Variants in MANBA observed in about 807,000 individuals in gnomAD.
The protein encoded by MANBA is mannosidase beta, also known as beta-mannosidase.
MANBA carries 83 observed loss-of-function variants against 111.1 expected under a neutral mutation model. The ratio of observed to expected loss-of-function variants is 0.75; its 90% CI spans 0.63 to 0.90. The LOEUF (loss-of-function observed/expected upper bound fraction) is 0.90, where lower values mean the gene tolerates loss of function less well. Ranked by LOEUF, MANBA falls within the 40% of genes least tolerant of loss-of-function variation. The probability of loss-of-function intolerance (pLI) is 0.00; values close to 1 mark genes in which losing one functional copy is unlikely to be tolerated. For missense variants in MANBA, 1,036 were observed against 1,069.0 expected, an observed-to-expected ratio of 0.97 and a Z score of 0.43; for synonymous variants, 370 against 378.7, an observed-to-expected ratio of 0.98 and a Z score of 0.27.
intron 1 of MANBA, among the ~76,000 whole-genome samples, chr4:102,743,505 TTCCTCTG>T (rs1360280540): frequency 6.6e-6 from 1 of 152,178 alleles, no homozygotes; most frequent in African/African-American, 2.4e-5. Flanking sequence ...TAGTCTTCTC[TTCCTCTG>T]TCAACTGATA....
intron 12 of MANBA, among the ~76,000 whole-genome samples, chr4:102,653,359 T>C (rs888081523): frequency 1.3e-5 from 2 of 152,140 alleles, no homozygotes; most frequent in Non-Finnish European, 2.9e-5. Flanking sequence ...AGATAATGAA[T>C]GGCAGCTGTC....
At chr4:102,709,825 G>C (rs575975131) in intron 5 of MANBA, among the ~76,000 whole-genome samples, 54 of 152,222 alleles carry the variant, frequency 3.5e-4, no homozygotes, top group South Asian at 8.3e-4. Context: ...TGAGCAAGCA[G>C]AATTTATCCC....
At chr4:102,634,641 G>A in intron 16 of MANBA, 147 bp downstream of exon 16, 1 of 1,065,706 alleles carries the variant, frequency 9.4e-7, no homozygotes, top group Admixed American at 1.9e-5. Context: ...TGCTTTTAGT[G>A]GGAAGAGGCC....
chr4:102,727,426 G>T, intron 1 of MANBA: 1 of 1,173,440 alleles, frequency 8.5e-7, no homozygotes, highest in South Asian at 1.2e-5. Flanking sequence ...GATGAGCTTG[G>T]TATAGGCCAA....
chr4:102,699,538 A>G (rs2110255303), intron 5 of MANBA, among the ~76,000 whole-genome samples: 1 of 150,332 alleles, frequency 6.7e-6, no homozygotes, highest in East Asian at 1.9e-4. Flanking sequence ...TCCCATCAAT[A>G]CCTAATTTAT....
intron 1 of MANBA, among the ~76,000 whole-genome samples, chr4:102,742,430 T>C (rs1339896536): frequency 1.3e-5 from 2 of 152,186 alleles, no homozygotes; most frequent in Non-Finnish European, 2.9e-5. Context: ...TACCATATAT[T>C]GAATGCTGAT....
chr4:102,705,119 C>A (rs905367930), intron 5 of MANBA, among the ~76,000 whole-genome samples: 1 of 152,162 alleles, frequency 6.6e-6, no homozygotes, highest in African/African-American at 2.4e-5. Flanking sequence ...AAGGAAGGAA[C>A]CCTGCTTAGC....
At chr4:102,689,521 A>AT in intron 7 of MANBA, 53 bp downstream of exon 7, 1 of 1,198,186 alleles carries the variant, frequency 8.3e-7, no homozygotes, top group African/African-American at 1.5e-5. Flanking sequence ...CTGTATTACT[A>AT]TTTTTAAAAG....
chr4:102,664,417 C>T (rs372996311), intron 11 of MANBA, among the ~76,000 whole-genome samples: 6 of 151,136 alleles, frequency 4.0e-5, no homozygotes, highest in Admixed American at 3.9e-4. Flanking sequence ...GGCGCGATCT[C>T]GGCTCACTGC....
chr4:102,727,823 G>T, intron 1 of MANBA: 1 of 627,718 alleles, frequency 1.6e-6, no homozygotes, highest in South Asian at 1.8e-5. Context: ...AAATACTTCC[G>T]GAAAAGGATT....
rs1722674314 is a variant in MANBA, at chr4:102,723,726, C to A, written c.378+136G>T. ...TCCACAAATGTGGCAACTGAGAAAT[C>A]AAGTAACTCATCCAGTGCTTTAATG... On this transcript the variant is annotated intron_variant, in intron 3 of 16. Coordinates refer to ENST00000647097, the MANE Select transcript of MANBA (RefSeq NM_005908.4). The A allele has an allele frequency of 8.1e-6, 5 of 620,896 alleles. No homozygotes were observed. In the East Asian group the frequency reaches 1.1e-4, roughly 14 times the overall value. 38.5% of individuals were successfully genotyped at this position (620,896 alleles called of 1,614,324 possible). A position where few individuals can be genotyped will look rare whatever the true frequency, so the allele number is the denominator to read the frequency against.
chr4:102,675,384 G>A (rs963230847), intron 7 of MANBA, among the ~76,000 whole-genome samples: 5 of 152,152 alleles, frequency 3.3e-5, no homozygotes, highest in Non-Finnish European at 5.9e-5. Context: ...GTAGCTCTGC[G>A]GCAGAGGTTT....
At chr4:102,688,297 A>G (rs144617046) in intron 7 of MANBA, among the ~76,000 whole-genome samples, 1,651 of 139,936 alleles carry the variant, frequency 0.012, 26 homozygotes, top group African/African-American at 0.044. Context: ...GTGCGCGCGC[A>G]CACACACACA....
intron 14 of MANBA, among the ~76,000 whole-genome samples, chr4:102,639,107 T>C (rs1310374544): frequency 6.6e-6 from 1 of 152,202 alleles, no homozygotes; most frequent in Non-Finnish European, 1.5e-5. Flanking sequence ...GCAGGTTCCA[T>C]GCCAGTCATC....
intron 16 of MANBA, among the ~76,000 whole-genome samples, chr4:102,634,386 A>G (rs981227771): frequency 6.6e-6 from 1 of 152,170 alleles, no homozygotes; most frequent in Admixed American, 6.5e-5. Context: ...TAACCTCCTA[A>G]ACTGGCTTCC....
intron 13 of MANBA, among the ~76,000 whole-genome samples, chr4:102,644,627 C>A (rs958978329): frequency 6.6e-6 from 1 of 151,758 alleles, no homozygotes; most frequent in Non-Finnish European, 1.5e-5. Context: ...AGAGGAAGTA[C>A]CAAGGAGATG....
At chr4:102,688,299 A>G (rs908994806) in intron 7 of MANBA, among the ~76,000 whole-genome samples, 2 of 147,660 alleles carry the variant, frequency 1.4e-5, no homozygotes, top group African/African-American at 2.6e-5. Flanking sequence ...GCGCGCGCAC[A>G]CACACACACA....
intron 1 of MANBA, among the ~76,000 whole-genome samples, chr4:102,755,109 G>A (rs924325161): frequency 3.3e-5 from 5 of 152,036 alleles, no homozygotes; most frequent in Non-Finnish European, 5.9e-5. Context: ...TCACAGAATT[G>A]GAAAAAACTA....
At chr4:102,678,353 C>T (rs1170144027) in intron 7 of MANBA, among the ~76,000 whole-genome samples, 2 of 152,132 alleles carry the variant, frequency 1.3e-5, no homozygotes, top group Non-Finnish European at 2.9e-5. Flanking sequence ...CAGTAATTTT[C>T]CACGTCCTCT....
Sources: allele counts gnomAD v4.1 joint callset (sites outside exome capture counted in the v4.1 genomes callset), GRCh38; gene constraint gnomAD v4.1.1; transcripts MANE v1.5; gene names NCBI Gene and HGNC (gene_info 2026-07-23, HGNC 2026-07-21).